The following MSH6 variants were observed in gnomAD, a reference collection of about 807,000 sequenced individuals.
The protein encoded by MSH6 is mutS homolog 6.
MSH6 carries 85 observed loss-of-function variants against 119.1 expected under a neutral mutation model. The observed-to-expected ratio is 0.71, with a 90% CI of 0.60 to 0.85. The LOEUF is 0.85. MSH6 is among the 40% of genes least tolerant of loss of function. MSH6 has a pLI of 0.00. For synonymous variants in MSH6, 830 were observed against 586.9 expected (o/e 1.41, Z -5.99); for missense variants, 2,163 against 1,655.3 (o/e 1.31, Z -5.32).
Position 47,798,760 on chromosome 2 carries a change from T to C in MSH6, c.777T>C (p.Gly259=), listed in dbSNP as rs1669255186. Residue 259 remains glycine (G), a synonymous_variant, in exon 4 of 10, where the codon GGT becomes GGC. Coordinates refer to ENST00000234420, the MANE Select transcript of MSH6 (RefSeq NM_000179.3). The stretch of plus-strand genomic sequence containing the variant: ...TATCAGATTCTGAGAGTGACATTGG[T>C]GGCTCTGATGTGGAATTTAAGCCAG... ...RVISDSESDI[G]GSDVEFKPDT... The C allele has an allele frequency of 6.2e-7, 1 of 1,614,108 alleles. No homozygotes were observed. Among genetic ancestry groups the C allele is most frequent in the African/African-American group, 1.3e-5 (1 of 75,010 alleles).
At position 47,805,629 on chromosome 2, in the gene MSH6, T is replaced by G. The variant is rs778651272; in HGVS notation, c.3568T>G (p.Phe1190Val). Residue 1190 changes from phenylalanine to valine, a missense_variant, in exon 7 of 10, where the codon TTT (phenylalanine) becomes GTT (valine). By Grantham distance (50) the Phe-to-Val change is conservative. Coordinates refer to ENST00000234420, the MANE Select transcript of MSH6 (RefSeq NM_000179.3). ...SDRIMSGEST[F>V]FVELSETASI... ...TTTTTTTTTTTAAGGTGAAAGTACA[T>G]TTTTTGTTGAATTAAGTGAAACTGC... 1 of 1,610,710 alleles carries G rather than the reference T, an allele frequency of 6.2e-7. No individual in the cohort carries two copies. Among genetic ancestry groups the G allele is most frequent in the South Asian group, 1.1e-5 (1 of 90,948 alleles).
chr2:47,791,166 G>T, intron 2 of MSH6, 43 bp downstream of exon 2: 1 of 1,557,022 alleles, frequency 6.4e-7, no homozygotes, highest in Non-Finnish European at 8.9e-7. Flanking sequence ...GTGTGTGTGT[G>T]TGTGTGTGTG....
intron 1 of MSH6, chr2:47,784,402 CGTGA>C (rs141125987): frequency 0.087 from 21,395 of 246,660 alleles, 1,077 homozygotes; most frequent in Non-Finnish European, 0.094. Flanking sequence ...GATGTGTGGA[CGTGA>C]GTGACTCCGG....
intron 1 of MSH6, among the ~76,000 whole-genome samples, chr2:47,787,816 CACT>C (rs1668438445): frequency 6.6e-6 from 1 of 152,142 alleles, no homozygotes; most frequent in Admixed American, 6.6e-5. Flanking sequence ...AACAAGGTCT[CACT>C]GTGTAGCCCA....
rs730881812 is a variant in MSH6 at position 47,783,430 on chromosome 2, C to T, written c.197C>T (p.Pro66Leu). Residue 66 changes from proline (P) to leucine (L), a missense_variant, in exon 1 of 10, where the codon CCG (proline) becomes CTG (leucine). Pro to Leu is a moderately conservative substitution (Grantham distance 98). Transcript: ENST00000234420. ...AGGCCCTTGGCGCGCTCCGCGTCAC[C>T]GCCCAAGGCGAAGAACCTCAACGGA... The part of the protein sequence containing the change: ...GPRPLARSAS[P>L]PKAKNLNGGL... The T allele has an allele frequency of 3.3e-6, 5 of 1,500,870 alleles. No homozygotes were observed. The highest frequency in any genetic ancestry group is 1.4e-5 in the African/African-American group (1 of 69,196). The allele number at this position is 1,500,870 out of a possible 1,614,324, so 93.0% of individuals were successfully genotyped here.
At position 47,783,363 on chromosome 2, in the gene MSH6, C is replaced by A. The variant is rs1558645097; in HGVS notation, c.130C>A (p.Pro44Thr). The A allele has an allele frequency of 1.2e-6, 2 of 1,605,298 alleles. No homozygotes were observed. Among genetic ancestry groups the A allele is most frequent in the Non-Finnish European group, 1.7e-6 (2 of 1,176,340 alleles). ...AAAAPGASPS[P>T]GGDAAWSEAG... is the part of the protein sequence containing the mutation. ...CGCTGCCCCCGGGGCCTCTCCTTCC[C>A]CAGGCGGGGATGCGGCCTGGAGCGA... Residue 44 changes from proline (P) to threonine (T), a missense_variant, in exon 1 of 10, where the codon CCA (proline) becomes ACA (threonine). By Grantham distance (38) the Pro-to-Thr change is conservative. Coordinates refer to ENST00000234420, the MANE Select transcript of MSH6 (RefSeq NM_000179.3).
chr2:47,798,412 G>C lies in MSH6; in HGVS notation c.628-199G>C, dbSNP rs561580289. On this transcript the variant is annotated intron_variant, in intron 3 of 9. Transcript: ENST00000234420. ...CACTTAAATGTTAGCCTAAAGTTGGGCAAGATCATCTAACACAAAGCCTAT... is the reference window on the plus strand; with the variant it reads ...CACTTAAATGTTAGCCTAAAGTTGGCCAAGATCATCTAACACAAAGCCTAT... Among the ~76,000 whole-genome samples, 5 of 152,288 alleles carry C rather than the reference G, an allele frequency of 3.3e-5. No homozygotes were observed. In the South Asian group the frequency reaches 8.3e-4, roughly 25 times the overall value.
rs144288981 is a variant in MSH6, at chr2:47,800,947, C to A, written c.2964C>A (p.Arg988=). 12 of 1,571,928 alleles carry A rather than the reference C, an allele frequency of 7.6e-6. No homozygotes were observed. In the African/African-American group the frequency reaches 1.5e-4, roughly 20 times the overall value. ...QLEIPENFTT[R]NLPEEYELKS... is the part of the protein sequence containing the mutation. ...AAATTCCTGAGAATTTCACCACTCG[C>A]AATTTGCCAGAAGAATACGAGTTGA... Residue 988 remains arginine, a synonymous_variant, in exon 4 of 10, where the codon CGC becomes CGA. Transcript: ENST00000234420.
intron 1 of MSH6, among the ~76,000 whole-genome samples, chr2:47,787,901 C>A (rs1217664802): frequency 6.6e-6 from 1 of 152,116 alleles, no homozygotes; most frequent in Non-Finnish European, 1.5e-5. Context: ...AGCCACCACA[C>A]CTGGCCTATT....
At chr2:47,783,791 G>A in intron 1 of MSH6, 1 of 560,848 alleles carries the variant, frequency 1.8e-6, no homozygotes, top group Non-Finnish European at 2.5e-6. Context: ...GGGGGTGCTG[G>A]GCTAAGGAAG....
chr2:47,787,754 C>T (rs1176939254), intron 1 of MSH6, among the ~76,000 whole-genome samples: 1 of 152,050 alleles, frequency 6.6e-6, no homozygotes, highest in Non-Finnish European at 1.5e-5. Context: ...GTAGCTGGGA[C>T]CCCAAGTGCA....
intron 4 of MSH6, among the ~76,000 whole-genome samples, chr2:47,802,748 T>C (rs1669677704): frequency 6.6e-6 from 1 of 151,710 alleles, no homozygotes; most frequent in African/African-American, 2.4e-5. Flanking sequence ...AATAATATAC[T>C]TCCTTTTAGT....
At chr2:47,798,562 G>T (rs1455403251) in intron 3 of MSH6, 49 bp from the exon 4 acceptor site, 2 of 1,594,028 alleles carry the variant, frequency 1.3e-6, no homozygotes, top group Admixed American at 1.7e-5. Flanking sequence ...TTACATTATG[G>T]TTTTCCAAAT....
intron 1 of MSH6, chr2:47,783,795 A>G (rs940984276): frequency 4.3e-6 from 2 of 464,032 alleles, no homozygotes; most frequent in South Asian, 9.1e-5. Context: ...GTGCTGGGCT[A>G]AGGAAGGGGC....
rs752105994 is a variant in MSH6 at position 47,798,599 on chromosome 2, C to A, written c.628-12C>A. The stretch of plus-strand genomic sequence containing the variant: ...TTGATTTGTTTTTAAATACTCTTTC[C>A]TTGCCTGGCAGGTAGGCACAACTTA... On this transcript the variant is annotated splice_polypyrimidine_tract_variant and intron_variant, in intron 3 of 9. Transcript: ENST00000234420. 1.2e-6 allele frequency: 2 copies of A among 1,607,496 alleles called. No homozygotes were observed. Among genetic ancestry groups the A allele is most frequent in the East Asian group, 2.2e-5 (1 of 44,904 alleles).
chr2:47,806,743 CAAAAA>C (rs1553333888), intron 9 of MSH6, 31 bp from the exon 10 acceptor site: 3 of 1,389,274 alleles, frequency 2.2e-6, no homozygotes, highest in East Asian at 2.5e-5. Context: ...TATGAAAAAA[CAAAAA>C]AACTTTTTTT....
At chr2:47,786,981 T>C (rs1668388693) in intron 1 of MSH6, among the ~76,000 whole-genome samples, 1 of 152,204 alleles carries the variant, frequency 6.6e-6, no homozygotes, top group South Asian at 2.1e-4. Flanking sequence ...AATGTGGAAT[T>C]TGTCCTTTTA....
chr2:47,786,261 A>G (rs1318143584), intron 1 of MSH6, among the ~76,000 whole-genome samples: 2 of 152,196 alleles, frequency 1.3e-5, no homozygotes, highest in Non-Finnish European at 2.9e-5. Flanking sequence ...AGATCCAATC[A>G]TGAACAGTCT....
rs2104371748 is a variant in MSH6, at chr2:47,799,837, G to C, written c.1854G>C (p.Gln618His). The change falls in exon 4 of 10, where the codon CAG becomes CAC. Residue 618 changes from glutamine to histidine, a missense_variant. Coordinates refer to ENST00000234420, the MANE Select transcript of MSH6 (RefSeq NM_000179.3). ...AGAGTTCATTGTCCTGTTCTCTTCAGGAAGGTCTGATACCCGGCTCCCAGT... is the reference window on the plus strand; with the variant it reads ...AGAGTTCATTGTCCTGTTCTCTTCACGAAGGTCTGATACCCGGCTCCCAGT... ...ILKSSLSCSL[Q>H]EGLIPGSQFW... is the part of the protein sequence containing the mutation. 6.2e-7 allele frequency: 1 copy of C among 1,614,188 alleles called. No individual in the cohort carries two copies. The highest frequency in any genetic ancestry group is 8.5e-7 in the Non-Finnish European group (1 of 1,180,042).
Sources: gnomAD v4.1 joint callset for allele counts (sites outside exome capture counted in the v4.1 genomes callset) on GRCh38, gnomAD v4.1.1 for gene constraint, MANE v1.5 for transcripts, NCBI Gene and HGNC (gene_info 2026-07-23, HGNC 2026-07-21) for gene names.